The following ZBTB7C variants were observed in gnomAD, a reference collection of about 807,000 sequenced individuals.
ZBTB7C encodes the protein zinc finger and BTB domain-containing protein 7C.
A neutral mutation model predicts 25.7 loss-of-function variants in ZBTB7C; 8 were observed. The observed-to-expected ratio is 0.31, with a 90% CI of 0.18 to 0.56. The LOEUF (loss-of-function observed/expected upper bound fraction) is 0.56. Among genes scored for constraint, ZBTB7C ranks in the 20% least tolerant of loss-of-function variants. The probability of loss-of-function intolerance (pLI) is 0.91; values close to 1 mark genes in which losing one functional copy is unlikely to be tolerated. For missense variants in ZBTB7C, 824 were observed against 855.2 expected (o/e 0.96, Z 0.46); for synonymous variants, 394 against 369.0 (o/e 1.07, Z -0.78).
intron 2 of ZBTB7C, among the ~76,000 whole-genome samples, chr18:48,276,202 C>T (rs1167352877): frequency 6.6e-6 from 1 of 151,658 alleles, no homozygotes; most frequent in African/African-American, 2.4e-5. Flanking sequence ...CTTCATTCCT[C>T]TTCTCATTTT....
At chr18:48,085,080 G>A (rs577859648) in intron 3 of ZBTB7C, among the ~76,000 whole-genome samples, 12 of 152,224 alleles carry the variant, frequency 7.9e-5, no homozygotes, top group South Asian at 6.2e-4. Flanking sequence ...GTATGGATGA[G>A]TTCATCCAGA....
intron 4 of ZBTB7C, among the ~76,000 whole-genome samples, chr18:48,031,638 T>A (rs938415750): frequency 2.6e-5 from 4 of 151,944 alleles, no homozygotes; most frequent in Non-Finnish European, 5.9e-5. Flanking sequence ...TCCCAGAGAG[T>A]CTGATCAGTA....
chr18:48,049,043 T>C lies in ZBTB7C; in HGVS notation c.-16-7920A>G, dbSNP rs2036583417. Among the ~76,000 whole-genome samples the C allele has an allele frequency of 2.6e-5, 4 of 152,304 alleles. No homozygotes were observed. In the South Asian group the frequency reaches 8.3e-4, roughly 32 times the overall value. On this transcript the variant is annotated intron_variant, in intron 3 of 4. Coordinates refer to ENST00000590800, the MANE Select transcript of ZBTB7C (RefSeq NM_001318841.2). ...GCCTAGTGTTCCATTATTGGAACACTAAGCTTGTGGGAGTTATTTATAGCC... is the reference window on the plus strand; with the variant it reads ...GCCTAGTGTTCCATTATTGGAACACCAAGCTTGTGGGAGTTATTTATAGCC...
At chr18:48,283,951 A>G (rs189442102) in intron 2 of ZBTB7C, among the ~76,000 whole-genome samples, 2 of 152,304 alleles carry the variant, frequency 1.3e-5, no homozygotes. Flanking sequence ...GTTCAAGACC[A>G]GCCTGGGCAA....
intron 3 of ZBTB7C, among the ~76,000 whole-genome samples, chr18:48,125,613 C>G (rs72920081): frequency 0.17 from 25,852 of 152,146 alleles, 2,289 homozygotes; most frequent in South Asian, 0.23. Context: ...TGGCTGGAGA[C>G]GCAGTGAAGC....
intron 2 of ZBTB7C, among the ~76,000 whole-genome samples, chr18:48,219,080 G>A (rs942794585): frequency 6.6e-6 from 1 of 152,106 alleles, no homozygotes; most frequent in Non-Finnish European, 1.5e-5. Flanking sequence ...CCCATCTATC[G>A]TTCCATCTGA....
intron 2 of ZBTB7C, among the ~76,000 whole-genome samples, chr18:48,277,510 T>C (rs545992809): frequency 6.6e-6 from 1 of 152,320 alleles, no homozygotes; most frequent in African/African-American, 2.4e-5. Flanking sequence ...AAGTGCAAAA[T>C]AAATAGCTAT....
chr18:48,295,788 C>A (rs1105718), intron 2 of ZBTB7C, among the ~76,000 whole-genome samples: 24,756 of 151,956 alleles, frequency 0.16, 2,779 homozygotes, highest in East Asian at 0.6. Context: ...CCTCACTGTC[C>A]GCATTGGCTT....
chr18:48,139,222 C>T (rs1366755687), intron 3 of ZBTB7C, among the ~76,000 whole-genome samples: 1 of 151,982 alleles, frequency 6.6e-6, no homozygotes, highest in Non-Finnish European at 1.5e-5. Flanking sequence ...CAGCAGCTGG[C>T]CTGGTTCAGA....
At chr18:48,124,889 G>A (rs1467319241) in intron 3 of ZBTB7C, among the ~76,000 whole-genome samples, 3 of 152,134 alleles carry the variant, frequency 2.0e-5, no homozygotes, top group African/African-American at 4.8e-5. Flanking sequence ...GGACAGCAGC[G>A]GTGGCCAGTT....
chr18:48,331,146 C>G (rs1050615198), intron 2 of ZBTB7C, among the ~76,000 whole-genome samples: 2 of 152,142 alleles, frequency 1.3e-5, no homozygotes, highest in African/African-American at 4.8e-5. Context: ...CCAATTCCAT[C>G]ATGATTTCCC....
chr18:48,131,525 T>A (rs191838483), intron 3 of ZBTB7C, among the ~76,000 whole-genome samples: 1 of 152,258 alleles, frequency 6.6e-6, no homozygotes, highest in Admixed American at 6.5e-5. Context: ...AGTTCCCCCA[T>A]GCCAGTTGGC....
chr18:48,389,316 T>C (rs887163893), intron 1 of ZBTB7C, among the ~76,000 whole-genome samples: 1 of 140,498 alleles, frequency 7.1e-6, no homozygotes, highest in Admixed American at 7.3e-5. Context: ...TACCACCCTG[T>C]AGATGGGGTT....
At chr18:48,068,499 A>G (rs909426366) in intron 3 of ZBTB7C, among the ~76,000 whole-genome samples, 16 of 152,014 alleles carry the variant, frequency 1.1e-4, no homozygotes, top group Non-Finnish European at 2.4e-4. Context: ...TGTTAAAAAA[A>G]AAACAACAAA....
Position 48,078,988 on chromosome 18 carries a change from T to C in ZBTB7C, c.-16-37865A>G, listed in dbSNP as rs191324758. Among the ~76,000 whole-genome samples the C allele has an allele frequency of 2.6e-3, 402 of 152,364 alleles. 4 individuals are homozygous for C. In the South Asian group the frequency reaches 0.033, roughly 13 times the overall value. The stretch of plus-strand genomic sequence containing the variant: ...TAGACATTCGGTTTAGTTTTGACTA[T>C]TGTGAATAGCGCTGCTGTGAATGTT... On this transcript the variant is annotated intron_variant, in intron 3 of 4. Coordinates refer to ENST00000590800, the MANE Select transcript of ZBTB7C (RefSeq NM_001318841.2).
At chr18:48,400,837 T>C (rs1182229185) in intron 1 of ZBTB7C, among the ~76,000 whole-genome samples, 2 of 152,242 alleles carry the variant, frequency 1.3e-5, no homozygotes, top group East Asian at 3.8e-4. Context: ...TATATTTCTA[T>C]TAGGCTGCAC....
chr18:48,116,465 T>C (rs1370977689), intron 3 of ZBTB7C, among the ~76,000 whole-genome samples: 1 of 152,216 alleles, frequency 6.6e-6, no homozygotes, highest in Non-Finnish European at 1.5e-5. Context: ...CACCAAATGC[T>C]GGAGGCCACC....
In ZBTB7C at chr18:48,123,511, AGGTCCCTGT is replaced by A. The variant is rs1413396365; in HGVS notation, c.-17+62414_-17+62422del. Among the ~76,000 whole-genome samples the A allele has an allele frequency of 2.0e-5, 3 of 152,244 alleles. No homozygotes were observed. In the East Asian group the frequency reaches 5.8e-4, roughly 29 times the overall value. On this transcript the variant is annotated intron_variant, in intron 3 of 4. Coordinates refer to ENST00000590800, the MANE Select transcript of ZBTB7C (RefSeq NM_001318841.2). ...CTTGAAGAGGCCCTTTCAGCCCCAG[AGGTCCCTGT>A]GGGGTTGGCATAAGTGGTAGGGCTG...
At chr18:48,249,304 G>T (rs541158007) in intron 2 of ZBTB7C, among the ~76,000 whole-genome samples, 2 of 152,272 alleles carry the variant, frequency 1.3e-5, no homozygotes, top group African/African-American at 4.8e-5. Flanking sequence ...AAAGCTATTT[G>T]CAAGAAGATG....
Sources: allele counts gnomAD v4.1 joint callset (sites outside exome capture counted in the v4.1 genomes callset), GRCh38; gene constraint gnomAD v4.1.1; transcripts MANE v1.5; gene names NCBI Gene and HGNC (gene_info 2026-07-23, HGNC 2026-07-21).